ADAMTSL1: variants seen among roughly 807,000 people sequenced by gnomAD.
ADAMTSL1 encodes the protein ADAMTS like 1, also known as ADAMTS-like protein 1.
ADAMTSL1 carries 126 observed loss-of-function variants against 201.8 expected under a neutral mutation model. The ratio of observed to expected loss-of-function variants is 0.62; its 90% CI spans 0.54 to 0.72. ADAMTSL1 has a LOEUF of 0.72. Ranked by LOEUF, ADAMTSL1 falls within the 30% of genes least tolerant of loss-of-function variation. The pLI is 0.00. For synonymous variants in ADAMTSL1, 1,121 were observed against 903.4 expected (o/e 1.24, Z -4.32); for missense variants, 2,679 against 2,277.8 (o/e 1.18, Z -3.59).
intron 20 of ADAMTSL1, among the ~76,000 whole-genome samples, chr9:18,799,650 A>C (rs1822651265): frequency 6.6e-6 from 1 of 152,216 alleles, no homozygotes; most frequent in Non-Finnish European, 1.5e-5. Context: ...CTGAGGGATG[A>C]GTGTATCTTT....
intron 2 of ADAMTSL1, among the ~76,000 whole-genome samples, chr9:18,223,897 G>C (rs1363502676): frequency 6.6e-6 from 1 of 151,970 alleles, no homozygotes; most frequent in Non-Finnish European, 1.5e-5. Context: ...CCTCCATAGA[G>C]GTTGTATGTT....
At chr9:18,725,382 T>G (rs1191361741) in intron 15 of ADAMTSL1, among the ~76,000 whole-genome samples, 1 of 152,226 alleles carries the variant, frequency 6.6e-6, no homozygotes, top group Admixed American at 6.5e-5. Flanking sequence ...GGAAGACAGA[T>G]GTTAATCCCT....
chr9:18,750,227 C>G (rs1819389084), intron 15 of ADAMTSL1, among the ~76,000 whole-genome samples: 1 of 152,090 alleles, frequency 6.6e-6, no homozygotes. Context: ...TAAAATGGAC[C>G]CAGATCCAGC....
intron 2 of ADAMTSL1, among the ~76,000 whole-genome samples, chr9:18,172,459 A>C (rs1827943598): frequency 6.6e-6 from 1 of 152,104 alleles, no homozygotes; most frequent in Non-Finnish European, 1.5e-5. Context: ...GATAGGCAAC[A>C]AATTTAAAGG....
rs571368344 is a variant in ADAMTSL1, at chr9:18,908,542, A to G, written c.5283A>G (p.Lys1761=). 2 of 1,559,940 alleles carry G rather than the reference A, an allele frequency of 1.3e-6. No individual in the cohort carries two copies. Among genetic ancestry groups the G allele is most frequent in the Non-Finnish European group, 1.7e-6 (2 of 1,151,898 alleles). Residue 1761 remains lysine (K), a synonymous_variant, in exon 29 of 29, where the codon AAA becomes AAG. Transcript: ENST00000380548. ...FKSRCCGTCG[K]A is the part of the protein sequence containing the mutation. ...CTCGCTGCTGTGGAACTTGTGGCAA[A>G]GCGTGAAGATAGGGTGTGGGGAAAA... is the stretch of plus-strand genomic sequence containing the variant.
chr9:18,191,674 A>C (rs1189231978), intron 2 of ADAMTSL1, among the ~76,000 whole-genome samples: 3 of 152,190 alleles, frequency 2.0e-5, no homozygotes, highest in Non-Finnish European at 2.9e-5. Context: ...ATGGATGCCC[A>C]ACTTCCACAA....
chr9:18,822,565 T>C (rs1264739291), intron 21 of ADAMTSL1, among the ~76,000 whole-genome samples: 8 of 152,126 alleles, frequency 5.3e-5, no homozygotes, highest in Non-Finnish European at 7.4e-5. Flanking sequence ...GGGTTACTGA[T>C]TGGCTGTAGG....
At chr9:18,822,157 A>G (rs1824251281) in intron 21 of ADAMTSL1, among the ~76,000 whole-genome samples, 2 of 152,204 alleles carry the variant, frequency 1.3e-5, no homozygotes, top group Non-Finnish European at 2.9e-5. Context: ...GCTGGTCCAC[A>G]ACAACATAGC....
intron 1 of ADAMTSL1, among the ~76,000 whole-genome samples, chr9:18,019,364 C>T (rs1820387788): frequency 6.6e-6 from 1 of 152,006 alleles, no homozygotes; most frequent in Non-Finnish European, 1.5e-5. Context: ...TAAAAAATAG[C>T]TTATCAGCAA....
intron 3 of ADAMTSL1, among the ~76,000 whole-genome samples, chr9:18,553,024 TG>T (rs962787648): frequency 6.6e-6 from 1 of 151,674 alleles, no homozygotes; most frequent in Admixed American, 6.6e-5. Flanking sequence ...TTTAAATTTA[TG>T]GATATTTAAT....
chr9:17,973,887 T>C (rs1019833814), intron 1 of ADAMTSL1, among the ~76,000 whole-genome samples: 176 of 150,032 alleles, frequency 1.2e-3, no homozygotes, highest in African/African-American at 4.1e-3. Flanking sequence ...TCACATCCCT[T>C]GTAAGTTGGA....
At chr9:17,962,093 T>C (rs893852841) in intron 1 of ADAMTSL1, among the ~76,000 whole-genome samples, 8 of 152,176 alleles carry the variant, frequency 5.3e-5, no homozygotes, top group East Asian at 1.9e-4. Context: ...AGGTTGAGGG[T>C]CAGAGCTGGA....
intron 2 of ADAMTSL1, among the ~76,000 whole-genome samples, chr9:18,202,061 G>A (rs1337273681): frequency 6.6e-6 from 1 of 152,134 alleles, no homozygotes; most frequent in Non-Finnish European, 1.5e-5. Flanking sequence ...GATTGTGATT[G>A]TTGGGTAATG....
At chr9:18,789,012 C>T (rs145845420) in intron 19 of ADAMTSL1, among the ~76,000 whole-genome samples, 2 of 152,294 alleles carry the variant, frequency 1.3e-5, no homozygotes, top group East Asian at 3.9e-4. Flanking sequence ...GCTACGTGGC[C>T]TCACTTCTTG....
chr9:18,271,608 G>T (rs10963547), intron 2 of ADAMTSL1, among the ~76,000 whole-genome samples: 5 of 151,898 alleles, frequency 3.3e-5, no homozygotes, highest in African/African-American at 9.7e-5. Flanking sequence ...CAAGTCTTTG[G>T]TATTGTGAAT....
At chr9:17,951,609 C>T (rs1049338606) in intron 1 of ADAMTSL1, among the ~76,000 whole-genome samples, 2 of 150,184 alleles carry the variant, frequency 1.3e-5, no homozygotes, top group Non-Finnish European at 3.0e-5. Context: ...TTGTGTTTTA[C>T]TATTCATAAC....
intron 16 of ADAMTSL1, among the ~76,000 whole-genome samples, chr9:18,763,227 G>A (rs1405185706): frequency 2.0e-5 from 3 of 152,256 alleles, no homozygotes; most frequent in East Asian, 1.9e-4. Flanking sequence ...ATATCTCATT[G>A]TAGTTTTGAT....
At chr9:18,671,866 T>C (rs1203662440) in intron 9 of ADAMTSL1, among the ~76,000 whole-genome samples, 2 of 151,926 alleles carry the variant, frequency 1.3e-5, no homozygotes, top group African/African-American at 4.8e-5. Flanking sequence ...TGAAACCCCA[T>C]CTCTACTAAA....
intron 15 of ADAMTSL1, among the ~76,000 whole-genome samples, chr9:18,733,919 C>T (rs1320286802): frequency 6.7e-6 from 1 of 149,622 alleles, no homozygotes; most frequent in Non-Finnish European, 1.5e-5. Context: ...CCCATTCATT[C>T]AACTCAACTC....
Sources: gnomAD v4.1 joint callset for allele counts (sites outside exome capture counted in the v4.1 genomes callset) on GRCh38, gnomAD v4.1.1 for gene constraint, MANE v1.5 for transcripts, NCBI Gene and HGNC (gene_info 2026-07-23, HGNC 2026-07-21) for gene names.